CDH12: variants seen among roughly 807,000 people sequenced by gnomAD.
CDH12 encodes cadherin-12.
Under a neutral mutation model 74.1 loss-of-function variants are expected in CDH12, and 41 were observed. The ratio of observed to expected loss-of-function variants is 0.55; its 90% confidence interval spans 0.43 to 0.72. The LOEUF is 0.72. Among genes scored for constraint, CDH12 ranks in the 30% least tolerant of loss-of-function variants. The pLI, the probability that CDH12 is intolerant of heterozygous loss-of-function variation, is 0.00. For synonymous variants in CDH12, 399 were observed against 355.0 expected, an observed-to-expected ratio of 1.12 and a Z score of -1.39; for missense variants, 945 against 977.2, an observed-to-expected ratio of 0.97 and a Z score of 0.44.
At chr5:22,645,602 G>GA (rs1739397876) in intron 1 of CDH12, among the ~76,000 whole-genome samples, 1 of 152,030 alleles carries the variant, frequency 6.6e-6, no homozygotes, top group Admixed American at 6.6e-5. Context: ...AGTTTGAGAA[G>GA]ATTGATTTCA....
At position 22,138,875 on chromosome 5, in the gene CDH12, T is replaced by TATATATATATATATATATATATATATAC. The variant is rs1256794399; in HGVS notation, c.-186-60014_-186-60013insGTATATATATATATATATATATATATAT. On this transcript the variant is annotated intron_variant, in intron 4 of 14. Transcript: ENST00000382254. Reference sequence around the variant, plus strand: ...ATATATATATATATATATATATATATACATGTTGGACTCATCGATGTACAT... The same window carrying TATATATATATATATATATATATATATAC: ...ATATATATATATATATATATATATATATATATATATATATATATATATATATACACATGTTGGACTCATCGATGTACAT... Among the ~76,000 whole-genome samples, 11 of 137,686 alleles carry TATATATATATATATATATATATATATAC rather than the reference T, an allele frequency of 8.0e-5. 1 individual carries two copies. Among genetic ancestry groups the TATATATATATATATATATATATATATAC allele is most frequent in the African/African-American group, 1.1e-4 (4 of 37,494 alleles). 90.3% of individuals were successfully genotyped at this position (137,686 alleles called of 152,430 possible).
intron 5 of CDH12, among the ~76,000 whole-genome samples, chr5:22,001,130 A>G: frequency 6.6e-6 from 1 of 152,202 alleles, no homozygotes; most frequent in East Asian, 1.9e-4. Context: ...GCAAATGATT[A>G]CTTCAGAACA....
intron 2 of CDH12, among the ~76,000 whole-genome samples, chr5:22,461,582 A>G (rs2136215): frequency 0.47 from 71,196 of 151,256 alleles, 17,117 homozygotes; most frequent in Admixed American, 0.64. Context: ...AAGGTACAGA[A>G]TAATGTGTAT....
intron 6 of CDH12, 108 bp downstream of exon 6, chr5:21,974,983 T>C: frequency 1.3e-6 from 1 of 781,248 alleles, no homozygotes. Context: ...TTTCTAGAAT[T>C]GAAAAATATT....
At chr5:22,269,395 A>G (rs1215301987) in intron 3 of CDH12, among the ~76,000 whole-genome samples, 1 of 151,988 alleles carries the variant, frequency 6.6e-6, no homozygotes, top group Non-Finnish European at 1.5e-5. Flanking sequence ...AATTACCCCC[A>G]TATTAATGTC....
intron 1 of CDH12, among the ~76,000 whole-genome samples, chr5:22,561,555 T>C (rs1739048919): frequency 6.6e-6 from 1 of 152,158 alleles, no homozygotes; most frequent in Admixed American, 6.5e-5. Context: ...ATCCTATCTT[T>C]GGCCTGGTGG....
chr5:21,887,047 T>C (rs1382260622), intron 6 of CDH12, among the ~76,000 whole-genome samples: 2 of 152,188 alleles, frequency 1.3e-5, no homozygotes, highest in African/African-American at 2.4e-5. Flanking sequence ...TCAATATCCA[T>C]ATTTACACGA....
chr5:22,353,348 A>G (rs538013750), intron 3 of CDH12, among the ~76,000 whole-genome samples: 1 of 152,290 alleles, frequency 6.6e-6, no homozygotes, highest in Admixed American at 6.5e-5. Context: ...ACCCTAAATT[A>G]ACTACTGCTA....
intron 8 of CDH12, among the ~76,000 whole-genome samples, chr5:21,819,775 A>G (rs1253070214): frequency 1.3e-5 from 2 of 152,000 alleles, no homozygotes; most frequent in African/African-American, 4.8e-5. Context: ...AAATGTGGCC[A>G]GCAGTGGGAG....
chr5:22,233,589 T>C (rs928877572), intron 3 of CDH12, among the ~76,000 whole-genome samples: 1 of 152,166 alleles, frequency 6.6e-6, no homozygotes, highest in Non-Finnish European at 1.5e-5. Context: ...AATATTAATG[T>C]GAGTGATCAA....
chr5:22,787,604 T>G (rs1747701627), intron 1 of CDH12, among the ~76,000 whole-genome samples: 1 of 150,248 alleles, frequency 6.7e-6, no homozygotes, highest in Non-Finnish European at 1.5e-5. Context: ...TGTTTTATTT[T>G]TAATAGTTTT....
intron 1 of CDH12, among the ~76,000 whole-genome samples, chr5:22,730,028 T>C (rs1253765909): frequency 1.3e-5 from 2 of 151,926 alleles, no homozygotes; most frequent in Non-Finnish European, 2.9e-5. Context: ...AATGTGTTTA[T>C]ATTACAAAAA....
At chr5:21,967,026 A>T (rs1337375771) in intron 6 of CDH12, among the ~76,000 whole-genome samples, 2 of 151,978 alleles carry the variant, frequency 1.3e-5, no homozygotes, top group African/African-American at 4.8e-5. Context: ...AGTGGGTATA[A>T]TTCATCAGTG....
intron 10 of CDH12, 77 bp from the exon 11 acceptor site, chr5:21,783,571 A>G: frequency 1.8e-6 from 2 of 1,100,664 alleles, no homozygotes; most frequent in Admixed American, 4.0e-5. Flanking sequence ...AACTTGACAC[A>G]GTTCCTTATT....
chr5:21,944,201 A>G (rs1425100847), intron 6 of CDH12, among the ~76,000 whole-genome samples: 1 of 152,122 alleles, frequency 6.6e-6, no homozygotes, highest in Non-Finnish European at 1.5e-5. Context: ...TAAATATTTT[A>G]TGTTTTTCTT....
intron 6 of CDH12, among the ~76,000 whole-genome samples, chr5:21,903,466 C>T (rs1165376879): frequency 6.6e-6 from 1 of 152,178 alleles, no homozygotes; most frequent in Non-Finnish European, 1.5e-5. Context: ...GCCCTTACCC[C>T]TTATTGCCTA....
intron 1 of CDH12, among the ~76,000 whole-genome samples, chr5:22,550,269 A>G (rs939759906): frequency 2.0e-5 from 3 of 152,058 alleles, no homozygotes; most frequent in African/African-American, 4.8e-5. Flanking sequence ...TAGTGCCACA[A>G]TTTCATATAT....
chr5:22,411,402 T>C (rs1285963245), intron 2 of CDH12, among the ~76,000 whole-genome samples: 1 of 151,928 alleles, frequency 6.6e-6, no homozygotes. Flanking sequence ...GATTAGTAAA[T>C]GGTAGGAAAG....
At chr5:22,678,667 T>G (rs117892447) in intron 1 of CDH12, among the ~76,000 whole-genome samples, 31 of 152,212 alleles carry the variant, frequency 2.0e-4, no homozygotes, top group Middle Eastern at 3.4e-3. Context: ...CTCTAAAGTG[T>G]TTTTTCTTGT....
Sources: gnomAD v4.1 joint callset for allele counts (sites outside exome capture counted in the v4.1 genomes callset) on GRCh38, gnomAD v4.1.1 for gene constraint, MANE v1.5 for transcripts, NCBI Gene and HGNC (gene_info 2026-07-23, HGNC 2026-07-21) for gene names.